The following TMEM178B variants were observed in gnomAD, a reference collection of about 807,000 sequenced individuals.
The protein encoded by TMEM178B is transmembrane protein 178B.
TMEM178B carries 5 observed loss-of-function variants against 31.0 expected under a neutral mutation model. The ratio of observed to expected loss-of-function variants is 0.16; its 90% CI spans 0.08 to 0.34. TMEM178B has a LOEUF of 0.34. Ranked by LOEUF, TMEM178B falls within the 10% of genes least tolerant of loss-of-function variation. The pLI, the probability that TMEM178B is intolerant of heterozygous loss-of-function variation, is 1.00. For synonymous variants in TMEM178B, 164 were observed against 164.0 expected (o/e 1.00, Z 0.00); for missense variants, 275 against 400.3 (o/e 0.69, Z 2.67).
chr7:141,247,587 G>A (rs1797758479), intron 2 of TMEM178B, among the ~76,000 whole-genome samples: 1 of 152,132 alleles, frequency 6.6e-6, no homozygotes, highest in African/African-American at 2.4e-5. Flanking sequence ...TTTGGCAGTA[G>A]GGAAAGGGAA....
At chr7:141,215,848 CTTTT>C (rs1797133186) in intron 2 of TMEM178B, among the ~76,000 whole-genome samples, 1 of 87,314 alleles carries the variant, frequency 1.1e-5, no homozygotes, top group African/African-American at 4.7e-5. Context: ...CTTTTCTTTT[CTTTT>C]CTTTCTCTTT....
chr7:141,103,158 A>G (rs1179073971), intron 1 of TMEM178B, among the ~76,000 whole-genome samples: 1 of 152,202 alleles, frequency 6.6e-6, no homozygotes, highest in Non-Finnish European at 1.5e-5. Context: ...GCGGAAAGGA[A>G]AAAAATTATT....
At chr7:141,294,035 A>G (rs1241080362) in intron 2 of TMEM178B, among the ~76,000 whole-genome samples, 2 of 152,190 alleles carry the variant, frequency 1.3e-5, no homozygotes, top group Non-Finnish European at 2.9e-5. Flanking sequence ...CATGGTGGGA[A>G]GAGCAGAGAA....
chr7:141,405,713 C>A (rs1800873917), intron 2 of TMEM178B, among the ~76,000 whole-genome samples: 1 of 152,176 alleles, frequency 6.6e-6, no homozygotes, highest in African/African-American at 2.4e-5. Context: ...AAAGTGATCC[C>A]CTGCCTTTCA....
intron 2 of TMEM178B, among the ~76,000 whole-genome samples, chr7:141,379,757 A>G (rs997428248): frequency 2.9e-4 from 44 of 152,036 alleles, no homozygotes; most frequent in African/African-American, 1.0e-3. Context: ...TTTTCCTTCC[A>G]TCTCTCTCAT....
At chr7:141,213,834 G>T (rs374753231) in intron 2 of TMEM178B, among the ~76,000 whole-genome samples, 1 of 152,162 alleles carries the variant, frequency 6.6e-6, no homozygotes, top group African/African-American at 2.4e-5. Context: ...TTGTGGCTGC[G>T]TGTCCAGATG....
intron 1 of TMEM178B, among the ~76,000 whole-genome samples, chr7:141,173,707 T>C (rs1469436443): frequency 2.6e-5 from 4 of 152,216 alleles, no homozygotes; most frequent in African/African-American, 4.8e-5. Flanking sequence ...AGTCTTATAC[T>C]AGTTTTGGAT....
chr7:141,510,262 T>G, the TMEM178B span, among the ~76,000 whole-genome samples: 1 of 152,030 alleles, frequency 6.6e-6, no homozygotes, highest in Non-Finnish European at 1.5e-5. Context: ...AACTCCCTTG[T>G]GTAGTTGTTC....
At chr7:141,252,123 AG>A (rs1797843115) in intron 2 of TMEM178B, among the ~76,000 whole-genome samples, 1 of 152,214 alleles carries the variant, frequency 6.6e-6, no homozygotes, top group Non-Finnish European at 1.5e-5. Context: ...CTAATGAGAC[AG>A]GAAAGACTAG....
chr7:141,127,027 C>T (rs1449932129), intron 1 of TMEM178B, among the ~76,000 whole-genome samples: 1 of 152,046 alleles, frequency 6.6e-6, no homozygotes, highest in Non-Finnish European at 1.5e-5. Context: ...TATAGCTGAC[C>T]TTCCCAGGCC....
intron 2 of TMEM178B, among the ~76,000 whole-genome samples, chr7:141,399,142 C>T (rs961092158): frequency 2.0e-5 from 3 of 152,214 alleles, no homozygotes; most frequent in Non-Finnish European, 4.4e-5. Context: ...TCCATCCTGA[C>T]TTCCCTCCCA....
Position 141,437,624 on chromosome 7 carries a change from G to T in TMEM178B, c.513G>T (p.Thr171=). The T allele has an allele frequency of 6.5e-7, 1 of 1,536,114 alleles. No homozygotes were observed. The highest frequency in any genetic ancestry group is 8.7e-7 in the Non-Finnish European group (1 of 1,146,896). Residue 171 remains threonine (T), a synonymous_variant, in exon 3 of 4, where the codon ACG becomes ACT. Transcript: ENST00000565468. The part of the protein sequence containing the change: ...EWHALHLRRM[T]AGFMGMAVAI... ...TCCCCACAGACCTGCGCAGAATGAC[G>T]GCTGGCTTCATGGGCATGGCGGTGG...
intron 1 of TMEM178B, among the ~76,000 whole-genome samples, chr7:141,113,064 C>T (rs1234415763): frequency 6.6e-6 from 1 of 152,156 alleles, no homozygotes; most frequent in Non-Finnish European, 1.5e-5. Flanking sequence ...AGCTGTCTAA[C>T]AATTCAGAGA....
chr7:141,340,762 G>C (rs1311971638), intron 2 of TMEM178B, among the ~76,000 whole-genome samples: 1 of 152,192 alleles, frequency 6.6e-6, no homozygotes, highest in Non-Finnish European at 1.5e-5. Flanking sequence ...ATCGTTTGGT[G>C]GGTCATTGAC....
Position 141,199,306 on chromosome 7 carries a change from A to G in TMEM178B, c.383-13285A>G, listed in dbSNP as rs372538129. Among the ~76,000 whole-genome samples, 31 of 152,386 alleles carry G rather than the reference A, an allele frequency of 2.0e-4. 1 individual carries two copies. In the East Asian group the frequency reaches 4.8e-3, roughly 24 times the overall value. On this transcript the variant is annotated intron_variant, in intron 1 of 3. Transcript: ENST00000565468. ...ACTGTGAAATGTTATAGGTTGCTGCAAAAGTAATTGCGGTTTCTGCCATTA... is the reference window on the plus strand; with the variant it reads ...ACTGTGAAATGTTATAGGTTGCTGCGAAAGTAATTGCGGTTTCTGCCATTA...
At chr7:141,336,369 G>A (rs557897973) in intron 2 of TMEM178B, among the ~76,000 whole-genome samples, 48 of 152,254 alleles carry the variant, frequency 3.2e-4, no homozygotes, top group Admixed American at 2.2e-3. Context: ...AGGACCAGGC[G>A]TGGGAAATGC....
intron 2 of TMEM178B, among the ~76,000 whole-genome samples, chr7:141,314,913 G>A (rs750661915): frequency 1.3e-5 from 2 of 152,138 alleles, no homozygotes; most frequent in South Asian, 2.1e-4. Flanking sequence ...ATGCTTAGTG[G>A]CCATTTCTAC....
At chr7:141,444,911 C>T (rs1801725292) in intron 3 of TMEM178B, among the ~76,000 whole-genome samples, 1 of 152,056 alleles carries the variant, frequency 6.6e-6, no homozygotes, top group Admixed American at 6.5e-5. Context: ...AAGTGGGTGC[C>T]AGTATGTGTC....
At chr7:141,297,917 T>C (rs895252400) in intron 2 of TMEM178B, among the ~76,000 whole-genome samples, 3 of 152,220 alleles carry the variant, frequency 2.0e-5, no homozygotes, top group Admixed American at 6.5e-5. Flanking sequence ...TTCTAGGTCC[T>C]TGAGGAATCG....
Sources: gnomAD v4.1 joint callset for allele counts (sites outside exome capture counted in the v4.1 genomes callset) on GRCh38, gnomAD v4.1.1 for gene constraint, MANE v1.5 for transcripts, NCBI Gene and HGNC (gene_info 2026-07-23, HGNC 2026-07-21) for gene names.